Variants in LRRC72 observed in about 807,000 individuals in gnomAD.
The protein encoded by LRRC72 is leucine rich repeat containing 72, also known as leucine-rich repeat-containing protein 72.
LRRC72 carries 41 observed loss-of-function variants against 35.8 expected under a neutral mutation model. The ratio of observed to expected loss-of-function variants is 1.15; its 90% CI spans 0.89 to 1.49. LRRC72 has a LOEUF of 1.49. LRRC72 is among the 40% of genes most tolerant of loss of function. LRRC72 has a pLI of 0.00. For synonymous variants in LRRC72, 118 were observed against 119.2 expected (o/e 0.99, Z 0.07); for missense variants, 389 against 330.7 (o/e 1.18, Z -1.37).
chr7:16,575,769 T>C (rs1783029390), intron 7 of LRRC72, among the ~76,000 whole-genome samples: 1 of 152,196 alleles, frequency 6.6e-6, no homozygotes, highest in African/African-American at 2.4e-5. Context: ...TAGACCATGC[T>C]GTGGTAGGAA....
At chr7:16,544,667 C>G (rs2128335788) in intron 3 of LRRC72, among the ~76,000 whole-genome samples, 1 of 152,322 alleles carries the variant, frequency 6.6e-6, no homozygotes, top group Non-Finnish European at 1.5e-5. Context: ...AATCTTCTGA[C>G]TTTGCTCGTT....
intron 4 of LRRC72, among the ~76,000 whole-genome samples, chr7:16,558,478 T>TG (rs1782689282): frequency 6.6e-6 from 1 of 151,998 alleles, no homozygotes; most frequent in Admixed American, 6.6e-5. Context: ...GGCATGGTGG[T>TG]GGACGCCTGT....
chr7:16,554,972 C>T (rs1362207766), intron 3 of LRRC72, among the ~76,000 whole-genome samples: 3 of 152,148 alleles, frequency 2.0e-5, no homozygotes, highest in Non-Finnish European at 4.4e-5. Context: ...ACGCTGATGT[C>T]AAGTGTGGCT....
At chr7:16,544,114 A>G (rs534408413) in intron 3 of LRRC72, among the ~76,000 whole-genome samples, 1 of 152,314 alleles carries the variant, frequency 6.6e-6, no homozygotes, top group African/African-American at 2.4e-5. Flanking sequence ...TAGCAAGTAC[A>G]TTGTATTTGA....
chr7:16,569,797 G>A lies in LRRC72; in HGVS notation c.670+2254G>A, dbSNP rs6945368. ...TGTAATCCCAGCACTTTGGGAGGCC[G>A]AGGCAGGCAGATCATTTGAGGTCAG... On this transcript the variant is annotated intron_variant, in intron 7 of 8. Coordinates refer to ENST00000401542, the MANE Select transcript of LRRC72 (RefSeq NM_001195280.2). Among the ~76,000 whole-genome samples the A allele has an allele frequency of 6.0e-3, 914 of 152,064 alleles. 6 individuals carry two copies. The highest frequency in any genetic ancestry group is 0.021 in the African/African-American group (871 of 41,480).
chr7:16,539,172 G>C (rs893178568), intron 3 of LRRC72, among the ~76,000 whole-genome samples: 2 of 152,206 alleles, frequency 1.3e-5, no homozygotes, highest in African/African-American at 4.8e-5. Flanking sequence ...AATACTGATA[G>C]TGATATGGAC....
chr7:16,533,199 A>G lies in LRRC72; in HGVS notation c.164+631A>G, dbSNP rs560143915. On this transcript the variant is annotated intron_variant, in intron 2 of 8. Transcript: ENST00000401542. Reference sequence around the variant, plus strand: ...ACATACTATGATAATGAACTCCATTATACTACAACCTCTACCAATCCCCAT... The same window carrying G: ...ACATACTATGATAATGAACTCCATTGTACTACAACCTCTACCAATCCCCAT... Among the ~76,000 whole-genome samples, 6 of 152,244 alleles carry G rather than the reference A, an allele frequency of 3.9e-5. No individual in the cohort carries two copies. The South Asian group carries it at 1.0e-3, about 26-fold the overall frequency.
At chr7:16,573,413 C>G (rs1782982537) in intron 7 of LRRC72, among the ~76,000 whole-genome samples, 1 of 152,052 alleles carries the variant, frequency 6.6e-6, no homozygotes, top group Non-Finnish European at 1.5e-5. Context: ...ATACAACATG[C>G]CTACAGTAAC....
chr7:16,538,536 G>C (rs1025159878), intron 3 of LRRC72, among the ~76,000 whole-genome samples: 12 of 152,142 alleles, frequency 7.9e-5, no homozygotes, highest in African/African-American at 2.9e-4. Flanking sequence ...CAGTGCCCCA[G>C]GTCAACGTAC....
At chr7:16,529,283 C>G (rs1782123494) in intron 1 of LRRC72, among the ~76,000 whole-genome samples, 1 of 152,188 alleles carries the variant, frequency 6.6e-6, no homozygotes, top group Non-Finnish European at 1.5e-5. Context: ...CGCTTACTCT[C>G]CTCTTCCACC....
rs1252150216 is a variant in LRRC72 at position 16,527,065 on chromosome 7, A to G, written c.90+23A>G. On this transcript the variant is annotated intron_variant, in intron 1 of 8. Coordinates refer to ENST00000401542, the MANE Select transcript of LRRC72 (RefSeq NM_001195280.2). ...CGGGTAAGCGGCACCTGCCTTCCCA[A>G]GCCATCAGCCCCTTTGGCCCCCTGC... 9 of 1,532,724 alleles carry G rather than the reference A, an allele frequency of 5.9e-6. No homozygotes were observed. In the African/African-American group the frequency reaches 1.2e-4, roughly 21 times the overall value. 94.9% of individuals were successfully genotyped at this position (1,532,724 alleles called of 1,614,324 possible).
intron 2 of LRRC72, among the ~76,000 whole-genome samples, chr7:16,536,526 A>G (rs1213932331): frequency 6.6e-6 from 1 of 152,104 alleles, no homozygotes; most frequent in African/African-American, 2.4e-5. Flanking sequence ...CAATAAATAT[A>G]TAAATTAGAT....
intron 3 of LRRC72, among the ~76,000 whole-genome samples, chr7:16,551,281 TG>T (rs1782543715): frequency 6.6e-6 from 1 of 152,180 alleles, no homozygotes; most frequent in African/African-American, 2.4e-5. Flanking sequence ...TGACACTATT[TG>T]GGTTTAACGG....
In LRRC72 at chr7:16,581,321, C is replaced by T. The variant is rs1315695121; in HGVS notation, c.699-3C>T. On this transcript the variant is annotated splice_polypyrimidine_tract_variant and splice_region_variant and intron_variant, in intron 8 of 8. Coordinates refer to ENST00000401542, the MANE Select transcript of LRRC72 (RefSeq NM_001195280.2). Reference sequence around the variant, plus strand: ...TTCTGACATAATTGCTTTTTTTTTGCAGAACTGTGCTTGATGACCCAGAAG... The same window carrying T: ...TTCTGACATAATTGCTTTTTTTTTGTAGAACTGTGCTTGATGACCCAGAAG... 4 of 1,427,774 alleles carry T rather than the reference C, an allele frequency of 2.8e-6. No individual in the cohort carries two copies. Among genetic ancestry groups the T allele is most frequent in the Non-Finnish European group, 3.7e-6 (4 of 1,084,746 alleles). 88.4% of individuals were successfully genotyped at this position (1,427,774 alleles called of 1,614,324 possible). A position where few individuals can be genotyped will look rare whatever the true frequency, so the allele number is the denominator to read the frequency against.
At chr7:16,562,314 C>T (rs1267544834) in intron 5 of LRRC72, among the ~76,000 whole-genome samples, 1 of 152,168 alleles carries the variant, frequency 6.6e-6, no homozygotes, top group African/African-American at 2.4e-5. Context: ...CACTTTGTGG[C>T]TGATGGCTTT....
chr7:16,578,841 A>C (rs563955675), intron 7 of LRRC72, among the ~76,000 whole-genome samples: 3 of 152,202 alleles, frequency 2.0e-5, no homozygotes, highest in Non-Finnish European at 4.4e-5. Context: ...AGAGCGTTAT[A>C]CTAAATGAAA....
At chr7:16,545,582 G>A (rs566727800) in intron 3 of LRRC72, among the ~76,000 whole-genome samples, 1 of 152,098 alleles carries the variant, frequency 6.6e-6, no homozygotes, top group South Asian at 2.1e-4. Flanking sequence ...AAACTCCACT[G>A]TAGAATGTAA....
At chr7:16,558,334 C>A (rs917663113) in intron 4 of LRRC72, among the ~76,000 whole-genome samples, 9 of 152,284 alleles carry the variant, frequency 5.9e-5, no homozygotes, top group African/African-American at 2.2e-4. Flanking sequence ...ACAGGCCGGG[C>A]GCGGTGGCTC....
rs189936277 is a variant in LRRC72 at position 16,566,711 on chromosome 7, C to A, written c.517+309C>A. Among the ~76,000 whole-genome samples, 294 of 152,192 alleles carry A rather than the reference C, an allele frequency of 1.9e-3. 1 individual carries two copies. The highest frequency in any genetic ancestry group is 2.0e-3 in the Non-Finnish European group (137 of 67,984). ...GGATGCCAAATCGTTTACTTCCTGG[C>A]ACCTTAGTTTCTTATCTCAAAAGTG... On this transcript the variant is annotated intron_variant, in intron 6 of 8. Coordinates refer to ENST00000401542, the MANE Select transcript of LRRC72 (RefSeq NM_001195280.2).
Sources: gnomAD v4.1 joint callset for allele counts (sites outside exome capture counted in the v4.1 genomes callset) on GRCh38, gnomAD v4.1.1 for gene constraint, MANE v1.5 for transcripts, NCBI Gene and HGNC (gene_info 2026-07-23, HGNC 2026-07-21) for gene names.